Variants in COBLL1 observed in about 807,000 individuals in gnomAD.
COBLL1 encodes the protein cordon-bleu protein-like 1.
In COBLL1, 50 loss-of-function variants were observed where a neutral mutation model predicts 94.8. The ratio of observed to expected loss-of-function variants is 0.53; its 90% CI spans 0.42 to 0.67. The LOEUF (loss-of-function observed/expected upper bound fraction) is 0.67, where lower values mean the gene tolerates loss of function less well. Among genes scored for constraint, COBLL1 ranks in the 30% least tolerant of loss-of-function variants. The pLI, the probability that COBLL1 is intolerant of heterozygous loss-of-function variation, is 0.00. For synonymous variants in COBLL1, 448 were observed against 473.8 expected (o/e 0.95, Z 0.71); for missense variants, 1,362 against 1,348.7 (o/e 1.01, Z -0.15).
intron 3 of COBLL1, among the ~76,000 whole-genome samples, chr2:164,740,076 T>C (rs1002719097): frequency 6.6e-5 from 10 of 152,180 alleles, no homozygotes; most frequent in African/African-American, 2.4e-4. Context: ...AATAGAAAAT[T>C]AGTCATAGCA....
upstream of COBLL1, chr2:164,841,914 G>T (rs747869653): frequency 6.9e-7 from 1 of 1,453,914 alleles, no homozygotes; most frequent in South Asian, 1.2e-5. The surrounding 1 kb of genome is among the most constrained non-coding windows in gnomAD (Gnocchi z 5.5). Flanking sequence ...GCGGGCGCTG[G>T]CTGGGCGCTG....
chr2:164,828,658 C>G (rs2105376598), intron 2 of COBLL1, among the ~76,000 whole-genome samples: 1 of 152,326 alleles, frequency 6.6e-6, no homozygotes, highest in South Asian at 2.1e-4. Flanking sequence ...GTAGCCACTA[C>G]ACACATCAGG....
chr2:164,677,088 T>C (rs999037621), downstream of COBLL1, among the ~76,000 whole-genome samples: 3 of 152,132 alleles, frequency 2.0e-5, no homozygotes, highest in Admixed American at 6.6e-5. Flanking sequence ...AGCCTCCTTT[T>C]AAAAAACTCT....
In COBLL1 at chr2:164,799,423, T is replaced by C. The variant is rs150577875; in HGVS notation, c.41+41733A>G. ...ATCAAAATATGTAGAGGATCTGTAT[T>C]TTGAAAACTACATAACATAGATGAA... On this transcript the variant is annotated intron_variant, in intron 2 of 13. Coordinates refer to ENST00000652658, the MANE Select transcript of COBLL1 (RefSeq NM_001365672.2). Among the ~76,000 whole-genome samples the C allele has an allele frequency of 6.4e-3, 974 of 152,306 alleles. 2 individuals carry two copies. Among genetic ancestry groups the C allele is most frequent in the African/African-American group, 0.022 (919 of 41,570 alleles).
At chr2:164,702,378 A>G (rs1684332393) in intron 9 of COBLL1, among the ~76,000 whole-genome samples, 1 of 151,688 alleles carries the variant, frequency 6.6e-6, no homozygotes, top group Non-Finnish European at 1.5e-5. Flanking sequence ...CCTGGCCAAC[A>G]TAGTGAAACC....
chr2:164,828,327 T>G (rs1363012536), intron 2 of COBLL1, among the ~76,000 whole-genome samples: 1 of 152,174 alleles, frequency 6.6e-6, no homozygotes, highest in Non-Finnish European at 1.5e-5. Context: ...GCCTTTTCCT[T>G]TTAGGGTTTC....
intron 1 of COBLL1, among the ~76,000 whole-genome samples, chr2:164,670,790 G>A (rs1399431396): frequency 6.6e-6 from 1 of 152,114 alleles, no homozygotes; most frequent in African/African-American, 2.4e-5. Context: ...AGAAACCAAG[G>A]CTAGTGACAT....
intron 2 of COBLL1, among the ~76,000 whole-genome samples, chr2:164,821,611 C>A (rs892851579): frequency 2.0e-5 from 3 of 152,146 alleles, no homozygotes; most frequent in Non-Finnish European, 4.4e-5. Flanking sequence ...GAGACAAGGC[C>A]TTTTCATTAG....
At chr2:164,767,309 C>T (rs1176435278) in intron 2 of COBLL1, among the ~76,000 whole-genome samples, 2 of 152,022 alleles carry the variant, frequency 1.3e-5, no homozygotes. Flanking sequence ...AGAGACACTA[C>T]CATTATCTTA....
chr2:164,780,836 G>A (rs1230186780), intron 2 of COBLL1, among the ~76,000 whole-genome samples: 1 of 152,188 alleles, frequency 6.6e-6, no homozygotes, highest in Non-Finnish European at 1.5e-5. Flanking sequence ...GTGTTTTCAT[G>A]GAGACTGCTG....
chr2:164,696,744 G>A (rs1460709531), intron 11 of COBLL1: 1 of 152,234 alleles, frequency 6.6e-6, no homozygotes, highest in Non-Finnish European at 1.5e-5. Flanking sequence ...GAGGCATGTG[G>A]AAGGAAACAG....
intron 3 of COBLL1, among the ~76,000 whole-genome samples, chr2:164,737,931 A>G (rs1349311009): frequency 6.6e-6 from 1 of 152,176 alleles, no homozygotes; most frequent in Non-Finnish European, 1.5e-5. Context: ...AGCATGTGCG[A>G]CATGTCTCTG....
intron 2 of COBLL1, among the ~76,000 whole-genome samples, chr2:164,796,022 A>C (rs974822961): frequency 6.6e-6 from 1 of 152,136 alleles, no homozygotes; most frequent in Admixed American, 6.6e-5. Context: ...CCCCACCTAC[A>C]ATATGTTCTA....
At chr2:164,764,841 T>C (rs1186123917) in intron 2 of COBLL1, among the ~76,000 whole-genome samples, 2 of 152,284 alleles carry the variant, frequency 1.3e-5, no homozygotes, top group South Asian at 2.1e-4. Context: ...TAAATAGTCA[T>C]TATGAAGGCT....
At chr2:164,802,156 A>T (rs1383224295) in intron 2 of COBLL1, among the ~76,000 whole-genome samples, 1 of 152,224 alleles carries the variant, frequency 6.6e-6, no homozygotes, top group Non-Finnish European at 1.5e-5. Flanking sequence ...AAGATTCATA[A>T]ATAATTGCTA....
At chr2:164,693,980 A>G (rs1277141799) in intron 12 of COBLL1, among the ~76,000 whole-genome samples, 1 of 152,176 alleles carries the variant, frequency 6.6e-6, no homozygotes, top group Non-Finnish European at 1.5e-5. Flanking sequence ...AAATAGAACC[A>G]TTAACTAGTA....
chr2:164,716,529 T>C (rs6748833), intron 7 of COBLL1, among the ~76,000 whole-genome samples: 6 of 152,032 alleles, frequency 3.9e-5, no homozygotes, highest in Admixed American at 2.0e-4. Flanking sequence ...AGAGGGTACA[T>C]AGAAATTTAG....
Position 164,818,769 on chromosome 2 carries a change from C to CATATATAT in COBLL1, c.41+22379_41+22386dup, listed in dbSNP as rs752386836. Among the ~76,000 whole-genome samples, 500 of 139,486 alleles carry CATATATAT rather than the reference C, an allele frequency of 3.6e-3. 3 individuals are homozygous for CATATATAT. The highest frequency in any genetic ancestry group is 0.013 in the African/African-American group (470 of 37,376). The allele number at this position is 139,486 out of a possible 152,430, so 91.5% of individuals were successfully genotyped here. ...TAGTATATATATGTACTTATGTAAA[C>CATATATAT]ATATATATATATACATATAATTTTT... On this transcript the variant is annotated intron_variant, in intron 2 of 13. Coordinates refer to ENST00000652658, the MANE Select transcript of COBLL1 (RefSeq NM_001365672.2).
intron 1 of COBLL1, among the ~76,000 whole-genome samples, chr2:164,672,507 G>T (rs1257472305): frequency 6.6e-6 from 1 of 151,608 alleles, no homozygotes; most frequent in African/African-American, 2.4e-5. Context: ...GACCATCCTG[G>T]CTAACAAGGT....
Sources: gnomAD v4.1 joint callset for allele counts (sites outside exome capture counted in the v4.1 genomes callset) on GRCh38, gnomAD v4.1.1 for gene constraint, Gnocchi (gnomAD v3.1) non-coding constraint, MANE v1.5 for transcripts, NCBI Gene and HGNC (gene_info 2026-07-23, HGNC 2026-07-21) for gene names.